ANHX: variants seen among roughly 807,000 people sequenced by gnomAD.
ANHX encodes the protein anomalous homeobox protein.
A neutral mutation model predicts 38.9 loss-of-function variants in ANHX; 20 were observed. The observed-to-expected ratio is 0.51, with a 90% CI of 0.36 to 0.75. The LOEUF is 0.75. ANHX is among the 30% of genes least tolerant of loss of function. The probability of loss-of-function intolerance (pLI) is 0.00; values close to 1 mark genes in which losing one functional copy is unlikely to be tolerated. For synonymous variants in ANHX, 185 were observed against 203.1 expected (o/e 0.91, Z 0.76); for missense variants, 475 against 493.1 (o/e 0.96, Z 0.35).
chr12:133,223,216 G>A (rs1335782166), intron 7 of ANHX, among the ~76,000 whole-genome samples: 1 of 151,412 alleles, frequency 6.6e-6, no homozygotes, highest in Non-Finnish European at 1.5e-5. Flanking sequence ...ATATATAACT[G>A]TTAAAGCAAA....
At chr12:133,222,319 C>A (rs979894536) in intron 7 of ANHX, among the ~76,000 whole-genome samples, 1 of 152,152 alleles carries the variant, frequency 6.6e-6, no homozygotes, top group Non-Finnish European at 1.5e-5. Context: ...AAGTGCAGCC[C>A]ATGGTGATGG....
chr12:133,219,418 G>T (rs776845595), intron 8 of ANHX, 51 bp from the exon 9 acceptor site: 520 of 1,301,124 alleles, frequency 4.0e-4, no homozygotes, highest in Non-Finnish European at 4.6e-4. Context: ...GGACACTGGG[G>T]TGACAAAATC....
At chr12:133,228,587 T>C (rs1957225052) in intron 3 of ANHX, among the ~76,000 whole-genome samples, 1 of 152,046 alleles carries the variant, frequency 6.6e-6, no homozygotes, top group Admixed American at 6.6e-5. Context: ...CTGGCTCTCA[T>C]TTCACCAAGA....
intron 4 of ANHX, 101 bp from the exon 5 acceptor site, chr12:133,227,253 T>A: frequency 3.1e-6 from 4 of 1,298,718 alleles, no homozygotes; most frequent in Non-Finnish European, 4.2e-6. Flanking sequence ...AGAAAGGGGG[T>A]GACAGCCCAG....
In ANHX at chr12:133,234,179, C is replaced by G. The variant is rs1221984273; in HGVS notation, c.178G>C (p.Asp60His). The change falls in exon 2 of 10, where the codon GAT becomes CAT. Residue 60 changes from aspartate to histidine, a missense_variant. By Grantham distance (81) the Asp-to-His change is moderately conservative. Transcript: ENST00000545940. ...QLRLHLLDNA[D>H]VALACARVLD... ...ACACGGGCGCACGCCAGGGCCACAT[C>G]TGCGTTGTCCAGGAGATGCAGGCGG... 6.5e-7 allele frequency: 1 copy of G among 1,536,194 alleles called. No homozygotes were observed. The highest frequency in any genetic ancestry group is 1.4e-5 in the African/African-American group (1 of 73,182).
At chr12:133,222,398 T>C (rs550522648) in intron 7 of ANHX, among the ~76,000 whole-genome samples, 65 of 151,932 alleles carry the variant, frequency 4.3e-4, no homozygotes, top group Non-Finnish European at 8.2e-4. Flanking sequence ...AGGGAGAGCA[T>C]CCGGGTACCC....
Position 133,218,781 on chromosome 12 carries a change from C to A in ANHX, c.*104G>T, listed in dbSNP as rs1957068965. On this transcript the variant is annotated 3_prime_UTR_variant, in exon 10 of 10. Coordinates refer to ENST00000545940, the MANE Select transcript of ANHX (RefSeq NM_001372060.1). Reference sequence around the variant, plus strand: ...AGAGCCCCCAGGGGAACTCTGGGGACCTTCATTTTGTATTCAGGATAAAGC... The same window carrying A: ...AGAGCCCCCAGGGGAACTCTGGGGAACTTCATTTTGTATTCAGGATAAAGC... The A allele has an allele frequency of 1.2e-6, 1 of 813,360 alleles. No homozygotes were observed. The highest frequency in any genetic ancestry group is 3.1e-5 in the East Asian group (1 of 32,190). 50.4% of individuals were successfully genotyped at this position (813,360 alleles called of 1,614,324 possible).
At chr12:133,220,844 C>T (rs1306147256) in intron 8 of ANHX, among the ~76,000 whole-genome samples, 2 of 152,218 alleles carry the variant, frequency 1.3e-5, no homozygotes, top group Non-Finnish European at 2.9e-5. Context: ...GACCCCAAGT[C>T]CCTTGAAAAC....
Position 133,221,224 on chromosome 12 carries a change from C to G in ANHX, c.1261G>C (p.Glu421Gln). Residue 421 changes from glutamate to glutamine, a missense_variant, in exon 8 of 10, where the codon GAA (glutamate) becomes CAA (glutamine). Glu to Gln is a conservative substitution (Grantham distance 29). Transcript: ENST00000545940. The surrounding 1 kb of genome is among the most constrained non-coding windows in gnomAD (Gnocchi z 4.1). Reference sequence around the variant, plus strand: ...GCTTACCTCTGGGTGAGGATGAATTCAGGAGCTTGCAGTGGGGGCTGTGTC... The same window carrying G: ...GCTTACCTCTGGGTGAGGATGAATTGAGGAGCTTGCAGTGGGGGCTGTGTC... ...LVTQPPLQAP[E>Q]FILTQSPPEL... 1 of 1,536,028 alleles carries G rather than the reference C, an allele frequency of 6.5e-7. No individual in the cohort carries two copies. The highest frequency in any genetic ancestry group is 8.7e-7 in the Non-Finnish European group (1 of 1,146,880).
rs574254344 is a variant in ANHX at position 133,223,552 on chromosome 12, T to G, written c.1132+1984A>C. On this transcript the variant is annotated intron_variant, in intron 7 of 9. Coordinates refer to ENST00000545940, the MANE Select transcript of ANHX (RefSeq NM_001372060.1). ...CCTCCACCTCCCGGGTTCAAGTGAT[T>G]CTCCTGCCTCAGCCTCCCAACTAGG... 5.9e-5 allele frequency among the ~76,000 whole-genome samples: 9 copies of G among 151,724 alleles called. No individual in the cohort carries two copies. The South Asian group carries it at 1.9e-3, about 32-fold the overall frequency.
rs201185959 is a variant in ANHX at position 133,225,307 on chromosome 12, G to GCATA, written c.1132+225_1132+228dup. On this transcript the variant is annotated intron_variant, in intron 7 of 9. Transcript: ENST00000545940. ...TTCAACTCTTCCTCTTCAGTGATAT[G>GCATA]CATACATACACACACACACACACAC... 8.8e-4 allele frequency among the ~76,000 whole-genome samples: 130 copies of GCATA among 147,764 alleles called. 1 individual carries two copies. The highest frequency in any genetic ancestry group is 4.3e-3 in the East Asian group (22 of 5,102).
rs926774998 is a variant in ANHX at position 133,221,633 on chromosome 12, C to T, written c.1133-281G>A. Among the ~76,000 whole-genome samples, 2 of 152,132 alleles carry T rather than the reference C, an allele frequency of 1.3e-5. No homozygotes were observed. The highest frequency in any genetic ancestry group is 2.9e-5 in the Non-Finnish European group (2 of 68,026). ...TGTCATCGCAGACCTCATGTGCCCT[C>T]GGTGCCAGTCAGAGTCTGCAGCTTG... On this transcript the variant is annotated intron_variant, in intron 7 of 9. Transcript: ENST00000545940. This position sits in a 1 kb window ranked among gnomAD's most constrained non-coding sequence, Gnocchi z 4.1.
chr12:133,234,738 A>G, intron 1 of ANHX: 1 of 222,124 alleles, frequency 4.5e-6, no homozygotes, highest in East Asian at 1.0e-4. Context: ...ACATACATGC[A>G]CTTGTTTTAA....
chr12:133,234,423 CCTTT>C (rs1957333606), intron 1 of ANHX, 45 bp from the exon 2 acceptor site: 4 of 1,488,798 alleles, frequency 2.7e-6, no homozygotes, highest in African/African-American at 1.4e-5. Flanking sequence ...CTGACCACGT[CCTTT>C]CTGTCAGTCA....
chr12:133,235,568 C>G (rs1415731009), intron 1 of ANHX: 4 of 151,800 alleles, frequency 2.6e-5, no homozygotes, highest in Non-Finnish European at 5.9e-5. Flanking sequence ...CCCTCAGCCC[C>G]ACCCCGGCCC....
At chr12:133,224,507 C>CA (rs1415390806) in intron 7 of ANHX, among the ~76,000 whole-genome samples, 2 of 149,608 alleles carry the variant, frequency 1.3e-5, no homozygotes, top group African/African-American at 2.5e-5. Context: ...ACTGAAAATA[C>CA]AAAAAATTAG....
At chr12:133,223,209 T>C (rs1454041002) in intron 7 of ANHX, among the ~76,000 whole-genome samples, 1 of 151,424 alleles carries the variant, frequency 6.6e-6, no homozygotes, top group Non-Finnish European at 1.5e-5. Context: ...TATATATATA[T>C]ATAACTGTTA....
chr12:133,233,009 C>T (rs1475369681), intron 2 of ANHX, among the ~76,000 whole-genome samples: 2 of 152,150 alleles, frequency 1.3e-5, no homozygotes, highest in Non-Finnish European at 2.9e-5. Flanking sequence ...CACCACCTCC[C>T]TGGGCTGACA....
intron 1 of ANHX, 83 bp from the exon 2 acceptor site, chr12:133,234,461 C>T: frequency 2.8e-6 from 4 of 1,440,796 alleles, no homozygotes; most frequent in Non-Finnish European, 3.7e-6. Flanking sequence ...CTCTGCAAAG[C>T]AGGTGATGCA....
Sources: allele counts gnomAD v4.1 joint callset (sites outside exome capture counted in the v4.1 genomes callset), GRCh38; gene constraint gnomAD v4.1.1; non-coding constraint Gnocchi (gnomAD v3.1); transcripts MANE v1.5; gene names NCBI Gene and HGNC (gene_info 2026-07-23, HGNC 2026-07-21).